DENND1B: variants seen among roughly 807,000 people sequenced by gnomAD.
DENND1B encodes DENN domain-containing protein 1B.
Under a neutral mutation model 90.1 loss-of-function variants are expected in DENND1B, and 59 were observed. That is an observed-to-expected ratio of 0.65 (90% CI 0.53 to 0.81). DENND1B has a LOEUF of 0.81. Ranked by LOEUF, DENND1B falls within the 40% of genes least tolerant of loss-of-function variation. DENND1B has a pLI of 0.00. For missense variants in DENND1B, 862 were observed against 912.6 expected, an observed-to-expected ratio of 0.94 and a Z score of 0.71; for synonymous variants, 337 against 324.6, an observed-to-expected ratio of 1.04 and a Z score of -0.41.
intron 5 of DENND1B, among the ~76,000 whole-genome samples, chr1:197,665,732 C>A (rs570052442): frequency 6.6e-6 from 1 of 152,200 alleles, no homozygotes; most frequent in South Asian, 2.1e-4. Context: ...GCTCAAGAGA[C>A]ATTCATAAAT....
At chr1:197,603,613 A>C (rs1174990859) in intron 13 of DENND1B, among the ~76,000 whole-genome samples, 1 of 151,296 alleles carries the variant, frequency 6.6e-6, no homozygotes, top group Non-Finnish European at 1.5e-5. Flanking sequence ...GCTTTCATCT[A>C]TAGGAATTTA....
chr1:197,530,222 C>T (rs1669521240), intron 20 of DENND1B, among the ~76,000 whole-genome samples: 2 of 152,146 alleles, frequency 1.3e-5, no homozygotes, highest in Admixed American at 6.5e-5. Context: ...TTCTTTTCTA[C>T]AGCACACAGA....
At chr1:197,661,186 C>T (rs1452721886) in intron 5 of DENND1B, among the ~76,000 whole-genome samples, 2 of 152,026 alleles carry the variant, frequency 1.3e-5, no homozygotes, top group Non-Finnish European at 2.9e-5. Context: ...GTGCTTAGAT[C>T]GCTATTTTAC....
chr1:197,722,271 G>A (rs1661254041), intron 2 of DENND1B, among the ~76,000 whole-genome samples: 2 of 151,990 alleles, frequency 1.3e-5, no homozygotes, highest in African/African-American at 4.8e-5. Flanking sequence ...GAATGAGAAA[G>A]GACATTAAAT....
chr1:197,552,109 T>C, intron 16 of DENND1B: 1 of 581,198 alleles, frequency 1.7e-6, no homozygotes, highest in Non-Finnish European at 2.2e-6. Context: ...GAGTACTTAT[T>C]ACGTTTTGTC....
intron 14 of DENND1B, among the ~76,000 whole-genome samples, chr1:197,588,723 G>A (rs1303800093): frequency 2.0e-5 from 3 of 152,040 alleles, no homozygotes; most frequent in South Asian, 2.1e-4. Flanking sequence ...TGATTTTCAG[G>A]TTATACAGCA....
At chr1:197,601,500 G>T (rs1676207962) in intron 13 of DENND1B, among the ~76,000 whole-genome samples, 2 of 150,428 alleles carry the variant, frequency 1.3e-5, no homozygotes, top group South Asian at 4.2e-4. Context: ...AATTTTAACA[G>T]CCAAAATCAA....
chr1:197,536,812 C>T (rs541900144), intron 20 of DENND1B, among the ~76,000 whole-genome samples: 6 of 152,026 alleles, frequency 3.9e-5, no homozygotes, highest in Admixed American at 1.3e-4. Context: ...GAGGCCGAGG[C>T]GGGCAGATCA....
At chr1:197,665,144 C>G (rs1390429780) in intron 5 of DENND1B, among the ~76,000 whole-genome samples, 1 of 151,976 alleles carries the variant, frequency 6.6e-6, no homozygotes, top group Non-Finnish European at 1.5e-5. Context: ...TAAATATCAA[C>G]TTTTGTATTA....
Position 197,512,935 on chromosome 1 carries a change from G to A in DENND1B, c.1534C>T (p.Leu512Phe). Reference protein sequence around the residue: ...KLAQARLKRPLKSLDGALYDD... With the variant: ...KLAQARLKRPFKSLDGALYDD... ...TATAGAGCACCATCAAGGCTCTTAA[G>A]AGGCCTTTTTAAGCGTGCCTGGAGA... The change falls in exon 21 of 23, where the codon CTT becomes TTT. Residue 512 changes from leucine to phenylalanine, a missense_variant. Leu to Phe is a conservative substitution (Grantham distance 22, BLOSUM62 0). Transcript: ENST00000620048. The A allele has an allele frequency of 6.2e-7, 1 of 1,610,000 alleles. No individual in the cohort carries two copies. Among genetic ancestry groups the A allele is most frequent in the Non-Finnish European group, 8.5e-7 (1 of 1,177,714 alleles).
chr1:197,738,341 T>C (rs1662905917), intron 2 of DENND1B, among the ~76,000 whole-genome samples: 1 of 152,236 alleles, frequency 6.6e-6, no homozygotes, highest in Non-Finnish European at 1.5e-5. Flanking sequence ...ACATAGAGAA[T>C]GACAGCCAGG....
rs1249647200 is a variant in DENND1B at position 197,505,132 on chromosome 1, C to CTACATT, written c.*5327_*5328insAATGTA. 1 of 151,698 alleles carries CTACATT rather than the reference C, an allele frequency of 6.6e-6. No individual in the cohort carries two copies. The highest frequency in any genetic ancestry group is 1.5e-5 in the Non-Finnish European group (1 of 67,800). The allele number at this position is 151,698 out of a possible 1,614,324, so 9.4% of individuals were successfully genotyped here. ...ATGCATTTATGTTGTAGGACTCAGG[C>CTACATT]AGTTCATATTAGTTGCTGTTTTAGG... On this transcript the variant is annotated 3_prime_UTR_variant, in exon 23 of 23. Coordinates refer to ENST00000620048, the MANE Select transcript of DENND1B (RefSeq NM_001195215.2).
At chr1:197,564,833 T>A (rs1464819981) in intron 15 of DENND1B, among the ~76,000 whole-genome samples, 2 of 151,832 alleles carry the variant, frequency 1.3e-5, no homozygotes. Context: ...AGTCTTACCA[T>A]AAGAGAGCAA....
At chr1:197,733,905 C>A (rs1406434019) in intron 2 of DENND1B, 1 of 214,058 alleles carries the variant, frequency 4.7e-6, no homozygotes, top group African/African-American at 2.4e-5. Flanking sequence ...CAACATACAA[C>A]CCCTTCCTCT....
chr1:197,680,318 A>G (rs997435278), intron 3 of DENND1B, among the ~76,000 whole-genome samples: 1 of 152,192 alleles, frequency 6.6e-6, no homozygotes, highest in Non-Finnish European at 1.5e-5. Context: ...CTAACTAGTA[A>G]TATTTTCTAG....
At chr1:197,638,211 G>A (rs915588748) in intron 10 of DENND1B, among the ~76,000 whole-genome samples, 5 of 152,154 alleles carry the variant, frequency 3.3e-5, no homozygotes, top group African/African-American at 7.2e-5. Flanking sequence ...GTTTATTAAC[G>A]TAATTCCAGT....
intron 10 of DENND1B, among the ~76,000 whole-genome samples, chr1:197,626,086 C>T (rs1444445472): frequency 2.0e-5 from 3 of 152,014 alleles, no homozygotes; most frequent in African/African-American, 7.2e-5. Flanking sequence ...GACTTTAACA[C>T]CCCACTGTCA....
chr1:197,638,885 G>A (rs1301341304), intron 10 of DENND1B, among the ~76,000 whole-genome samples: 1 of 148,746 alleles, frequency 6.7e-6, no homozygotes, highest in Non-Finnish European at 1.5e-5. Context: ...AAAAAAAACT[G>A]ATTATATCTC....
At chr1:197,725,445 TTC>T (rs1312387186) in intron 2 of DENND1B, among the ~76,000 whole-genome samples, 1 of 151,814 alleles carries the variant, frequency 6.6e-6, no homozygotes, top group Non-Finnish European at 1.5e-5. Flanking sequence ...AACAGAAAAA[TTC>T]TTTTTTATAA....
Sources: gnomAD v4.1 joint callset for allele counts (sites outside exome capture counted in the v4.1 genomes callset) on GRCh38, gnomAD v4.1.1 for gene constraint, MANE v1.5 for transcripts, NCBI Gene and HGNC (gene_info 2026-07-23, HGNC 2026-07-21) for gene names.